Variants in SCGN observed in about 807,000 individuals in gnomAD.
The protein encoded by SCGN is secretagogin, EF-hand calcium binding protein, also known as secretagogin.
In SCGN, 30 loss-of-function variants were observed where a neutral mutation model predicts 39.7. The observed-to-expected ratio is 0.76, with a 90% CI of 0.57 to 1.03. The LOEUF is 1.03. Among genes scored for constraint, SCGN ranks in the 50% least tolerant of loss-of-function variants. The pLI, the probability that SCGN is intolerant of heterozygous loss-of-function variation, is 0.00. For synonymous variants in SCGN, 106 were observed against 114.1 expected (o/e 0.93, Z 0.45); for missense variants, 353 against 349.4 (o/e 1.01, Z -0.08).
intron 10 of SCGN, among the ~76,000 whole-genome samples, chr6:25,692,986 T>C (rs1759791113): frequency 6.6e-6 from 1 of 152,148 alleles, no homozygotes; most frequent in South Asian, 2.1e-4. Flanking sequence ...TTATGAACTG[T>C]ATGTGTGTGG....
chr6:25,669,456 T>C (rs909822597), intron 4 of SCGN, 55 bp from the exon 5 acceptor site: 27 of 1,435,476 alleles, frequency 1.9e-5, no homozygotes, highest in Non-Finnish European at 2.5e-5. Flanking sequence ...AGATACCACA[T>C]AATTATTCCA....
At chr6:25,666,207 C>A (rs966247610) in intron 4 of SCGN, among the ~76,000 whole-genome samples, 12 of 147,860 alleles carry the variant, frequency 8.1e-5, no homozygotes, top group Non-Finnish European at 1.5e-4. Context: ...AATACAAAAA[C>A]TAGCCGGGCA....
rs763221466 is a variant in SCGN at position 25,665,036 on chromosome 6, A to G, written c.336+4A>G. On this transcript the variant is annotated splice_donor_region_variant and intron_variant, in intron 4 of 10. Transcript: ENST00000377961. Reference sequence around the variant, plus strand: ...CAGCAGCGTGGAGTTTATGCAGGTGAGTGCTTGGTTGTGTCTCTGTGAAGA... The same window carrying G: ...CAGCAGCGTGGAGTTTATGCAGGTGGGTGCTTGGTTGTGTCTCTGTGAAGA... 1 of 1,610,452 alleles carries G rather than the reference A, an allele frequency of 6.2e-7. No homozygotes were observed. Among genetic ancestry groups the G allele is most frequent in the Admixed American group, 1.7e-5 (1 of 59,988 alleles).
At chr6:25,658,340 G>A (rs1019304579) in intron 2 of SCGN, among the ~76,000 whole-genome samples, 1 of 151,412 alleles carries the variant, frequency 6.6e-6, no homozygotes, top group African/African-American at 2.4e-5. Context: ...TGCCCATCTG[G>A]TATTCATTTT....
intron 6 of SCGN, among the ~76,000 whole-genome samples, chr6:25,676,055 C>A (rs965288742): frequency 6.6e-6 from 1 of 152,206 alleles, no homozygotes; most frequent in Admixed American, 6.5e-5. Flanking sequence ...CTCAAGCTTT[C>A]AAGTTGCTCA....
intron 10 of SCGN, among the ~76,000 whole-genome samples, chr6:25,696,798 C>T (rs897210472): frequency 2.0e-5 from 3 of 152,244 alleles, no homozygotes; most frequent in African/African-American, 4.8e-5. Flanking sequence ...TTGTCTATCA[C>T]GGAAGATAGC....
chr6:25,692,456 A>G (rs1231593301), intron 10 of SCGN, among the ~76,000 whole-genome samples: 1 of 151,938 alleles, frequency 6.6e-6, no homozygotes, highest in Non-Finnish European at 1.5e-5. Context: ...ACTCTACCCC[A>G]CCACCCCCCA....
chr6:25,678,596 G>A (rs1759594823), intron 6 of SCGN, among the ~76,000 whole-genome samples: 1 of 152,164 alleles, frequency 6.6e-6, no homozygotes, highest in Non-Finnish European at 1.5e-5. Context: ...GGGGAAATAA[G>A]CAGGACTGGC....
chr6:25,654,511 T>G (rs1379291290), intron 2 of SCGN, among the ~76,000 whole-genome samples: 1 of 152,282 alleles, frequency 6.6e-6, no homozygotes, highest in East Asian at 1.9e-4. Context: ...GGCTCTCATC[T>G]CCTACTGTTT....
At chr6:25,677,820 T>C (rs1175190892) in intron 6 of SCGN, among the ~76,000 whole-genome samples, 1 of 152,234 alleles carries the variant, frequency 6.6e-6, no homozygotes, top group Non-Finnish European at 1.5e-5. Context: ...TATACTAAAA[T>C]TCTTCACTAA....
chr6:25,677,320 T>C lies in SCGN; in HGVS notation c.472-4631T>C, dbSNP rs137961200. Among the ~76,000 whole-genome samples the C allele has an allele frequency of 9.3e-3, 1,413 of 152,352 alleles. 18 individuals are homozygous for C. The highest frequency in any genetic ancestry group is 0.031 in the African/African-American group (1,282 of 41,574). On this transcript the variant is annotated intron_variant, in intron 6 of 10. Transcript: ENST00000377961. ...TACCTATAATTCAGATATTTGTTTC[T>C]GGCTCTTCAATTACAATTGTATGCC... is the stretch of plus-strand genomic sequence containing the variant.
chr6:25,668,046 G>T (rs112498646), intron 4 of SCGN, among the ~76,000 whole-genome samples: 1 of 152,182 alleles, frequency 6.6e-6, no homozygotes, highest in Non-Finnish European at 1.5e-5. Context: ...TTTCTGAATT[G>T]TTGTTACTAA....
intron 4 of SCGN, among the ~76,000 whole-genome samples, chr6:25,665,363 G>A (rs1327955326): frequency 6.6e-6 from 1 of 152,176 alleles, no homozygotes; most frequent in Non-Finnish European, 1.5e-5. Context: ...TGCCCCATCT[G>A]AAGCCAATAT....
At position 25,658,346 on chromosome 6, in the gene SCGN, AT is replaced by A. The variant is rs201809415; in HGVS notation, c.154-3195del. ...GAGACACCATGCCCATCTGGTATTC[AT>A]TTTTTTTTTTAACTAGACCCTTCAC... is the stretch of plus-strand genomic sequence containing the variant. On this transcript the variant is annotated intron_variant, in intron 2 of 10. Transcript: ENST00000377961. 3.5e-3 allele frequency among the ~76,000 whole-genome samples: 515 copies of A among 146,350 alleles called. 3 individuals carry two copies. Among genetic ancestry groups the A allele is most frequent in the Middle Eastern group, 0.022 (6 of 278 alleles).
chr6:25,689,374 A>ATT, intron 8 of SCGN, 99 bp from the exon 9 acceptor site: 1 of 1,245,112 alleles, frequency 8.0e-7, no homozygotes, highest in Non-Finnish European at 1.2e-6. Flanking sequence ...CTTAAAGGTC[A>ATT]TTGACTCAAA....
At chr6:25,657,038 G>A (rs1760238472) in intron 2 of SCGN, among the ~76,000 whole-genome samples, 1 of 152,148 alleles carries the variant, frequency 6.6e-6, no homozygotes, top group Admixed American at 6.5e-5. Flanking sequence ...ACCCTGTTGA[G>A]TGATTTCCAT....
chr6:25,652,447 CT>C lies in SCGN; in HGVS notation c.45del (p.Gly16AlafsTer17). On this transcript the variant is annotated frameshift_variant, in exon 1 of 11. Transcript: ENST00000377961. LOFTEE classifies it high-confidence loss of function. ...CCGACTCTGGGGCGCTTGGACGCCG[CT>C]GGCTTCTGGCAGGTCTGGCAGCGCT... Reference protein sequence around the residue: ...REPTLGRLDAAGFWQVWQRFD... With the variant: ...REPTLGRLDAXGFWQVWQRFD... 6.2e-7 allele frequency: 1 copy of C among 1,614,140 alleles called. No homozygotes were observed. The highest frequency in any genetic ancestry group is 8.5e-7 in the Non-Finnish European group (1 of 1,180,022).
At chr6:25,671,920 C>A (rs1035573777) in intron 6 of SCGN, among the ~76,000 whole-genome samples, 8 of 152,324 alleles carry the variant, frequency 5.3e-5, no homozygotes, top group East Asian at 1.9e-4. Flanking sequence ...AATATATTTT[C>A]ATGTAGAATC....
chr6:25,697,995 G>C (rs1759859253), intron 10 of SCGN, among the ~76,000 whole-genome samples: 1 of 152,094 alleles, frequency 6.6e-6, no homozygotes, highest in Non-Finnish European at 1.5e-5. Flanking sequence ...AACCTCCTAG[G>C]GTTGTTCTGA....
Sources: gnomAD v4.1 joint callset for allele counts (sites outside exome capture counted in the v4.1 genomes callset) on GRCh38, gnomAD v4.1.1 for gene constraint, MANE v1.5 for transcripts, NCBI Gene and HGNC (gene_info 2026-07-23, HGNC 2026-07-21) for gene names.